The following NEK7 variants were observed in gnomAD, a reference collection of about 807,000 sequenced individuals.
The protein encoded by NEK7 is NIMA related kinase 7.
Under a neutral mutation model 44.6 loss-of-function variants are expected in NEK7, and 18 were observed. The observed-to-expected ratio is 0.40, with a 90% confidence interval of 0.28 to 0.60. The LOEUF (loss-of-function observed/expected upper bound fraction) is 0.60, where lower values mean the gene tolerates loss of function less well. NEK7 is among the 20% of genes least tolerant of loss of function. NEK7 has a pLI of 0.38. For missense variants in NEK7, 256 were observed against 366.5 expected (o/e 0.70, Z 2.46); for synonymous variants, 130 against 121.1 (o/e 1.07, Z -0.48).
intron 1 of NEK7, among the ~76,000 whole-genome samples, chr1:198,181,268 T>C (rs1436252412): frequency 6.6e-6 from 1 of 152,138 alleles, no homozygotes; most frequent in Non-Finnish European, 1.5e-5. Flanking sequence ...TAATTGATCA[T>C]TGACTTCTTT....
intron 9 of NEK7, among the ~76,000 whole-genome samples, chr1:198,301,351 C>G (rs982590644): frequency 1.6e-4 from 24 of 151,828 alleles, no homozygotes; most frequent in African/African-American, 5.1e-4. Flanking sequence ...GAGATCGAGA[C>G]CATCCTGGCT....
At chr1:198,169,278 G>A (rs907161348) in intron 1 of NEK7, among the ~76,000 whole-genome samples, 1 of 152,118 alleles carries the variant, frequency 6.6e-6, no homozygotes, top group Non-Finnish European at 1.5e-5. Flanking sequence ...TTGCTTGGAG[G>A]TGCCAGGTTT....
intron 5 of NEK7, among the ~76,000 whole-genome samples, chr1:198,272,694 C>T (rs183612510): frequency 6.6e-6 from 1 of 151,924 alleles, no homozygotes; most frequent in East Asian, 1.9e-4. Context: ...CAAGTATTTT[C>T]TTATCAGTTT....
At chr1:198,203,828 G>C (rs1041983645) in intron 1 of NEK7, among the ~76,000 whole-genome samples, 1 of 151,438 alleles carries the variant, frequency 6.6e-6, no homozygotes, top group Admixed American at 6.6e-5. Context: ...GACAGAGGTT[G>C]AATTCATTTT....
At chr1:198,209,247 C>T (rs1247448656) in intron 1 of NEK7, among the ~76,000 whole-genome samples, 2 of 149,346 alleles carry the variant, frequency 1.3e-5, no homozygotes, top group Non-Finnish European at 3.0e-5. Context: ...TACTCTTTTT[C>T]ATACCCATAC....
intron 2 of NEK7, among the ~76,000 whole-genome samples, chr1:198,232,866 ATTAT>A (rs1229049941): frequency 2.6e-5 from 4 of 151,392 alleles, no homozygotes; most frequent in Admixed American, 6.6e-5. Context: ...TTTAGATATA[ATTAT>A]TTATGTGTAA....
At chr1:198,288,190 G>A (rs1004315805) in intron 7 of NEK7, among the ~76,000 whole-genome samples, 17 of 152,170 alleles carry the variant, frequency 1.1e-4, no homozygotes, top group African/African-American at 4.1e-4. Flanking sequence ...TGTAAAGGCA[G>A]CATATGTTCA....
intron 9 of NEK7, among the ~76,000 whole-genome samples, chr1:198,312,856 C>G (rs4915141): frequency 0.082 from 12,484 of 151,924 alleles, 672 homozygotes; most frequent in East Asian, 0.17. Context: ...GCTTTACTTC[C>G]AAGTATGTGG....
chr1:198,292,039 G>A (rs1411186545), intron 7 of NEK7, among the ~76,000 whole-genome samples: 2 of 151,908 alleles, frequency 1.3e-5, no homozygotes, highest in African/African-American at 4.8e-5. Context: ...CTTCCCTCAG[G>A]TAAATAAGAT....
At chr1:198,228,009 A>G (rs1304371497) in intron 1 of NEK7, among the ~76,000 whole-genome samples, 4 of 152,164 alleles carry the variant, frequency 2.6e-5, no homozygotes, top group African/African-American at 4.8e-5. Context: ...CAGGTCTAAC[A>G]TTTAAGTCTT....
chr1:198,167,617 C>G (rs1425378389), intron 1 of NEK7, among the ~76,000 whole-genome samples: 1 of 152,188 alleles, frequency 6.6e-6, no homozygotes, highest in East Asian at 1.9e-4. Flanking sequence ...CAAAATTTCT[C>G]TCAACTGGGT....
chr1:198,217,233 C>T (rs183022355), intron 1 of NEK7, among the ~76,000 whole-genome samples: 33 of 152,002 alleles, frequency 2.2e-4, no homozygotes, highest in African/African-American at 7.7e-4. Context: ...CTCAACAGCA[C>T]GTCAAAAGAA....
chr1:198,294,814 C>T (rs939176557), intron 8 of NEK7, among the ~76,000 whole-genome samples: 7 of 152,096 alleles, frequency 4.6e-5, no homozygotes, highest in Non-Finnish European at 1.0e-4. Flanking sequence ...CATCTCAACG[C>T]ATTTTCTTGA....
Position 198,181,507 on chromosome 1 carries a change from T to G in NEK7, c.-29+24231T>G, listed in dbSNP as rs1460285713. Among the ~76,000 whole-genome samples, 5 of 152,250 alleles carry G rather than the reference T, an allele frequency of 3.3e-5. 1 individual carries two copies. The highest frequency in any genetic ancestry group is 1.2e-4 in the African/African-American group (5 of 41,572). ...CTATCATGGAATCTAACACCTTCAC[T>G]TAGTATTTGAAGTAACTAAGACTCA... On this transcript the variant is annotated intron_variant, in intron 1 of 9. Coordinates refer to ENST00000367385, the MANE Select transcript of NEK7 (RefSeq NM_133494.3).
At chr1:198,317,425 CA>C (rs1396840305) in intron 9 of NEK7, among the ~76,000 whole-genome samples, 1 of 152,158 alleles carries the variant, frequency 6.6e-6, no homozygotes, top group Non-Finnish European at 1.5e-5. Flanking sequence ...TTGTTATTCC[CA>C]ATTCTTGTCT....
chr1:198,313,382 A>C (rs1403852768), intron 9 of NEK7, among the ~76,000 whole-genome samples: 13 of 148,144 alleles, frequency 8.8e-5, no homozygotes, highest in Non-Finnish European at 1.5e-4. Flanking sequence ...ATGGGTCTTG[A>C]CTCTTTATCC....
Position 198,212,496 on chromosome 1 carries a change from G to T in NEK7, c.-28-20057G>T, listed in dbSNP as rs1360005558. 2.6e-5 allele frequency among the ~76,000 whole-genome samples: 4 copies of T among 152,288 alleles called. No homozygotes were observed. In the East Asian group the frequency reaches 7.7e-4, roughly 29 times the overall value. On this transcript the variant is annotated intron_variant, in intron 1 of 9. Coordinates refer to ENST00000367385, the MANE Select transcript of NEK7 (RefSeq NM_133494.3). ...ATGGGGATTCTTTTGTGCAGTAGAG[G>T]CAGCTGCACTCCTGCCTTAAACATT... is the stretch of plus-strand genomic sequence containing the variant.
At chr1:198,312,496 G>C (rs960532876) in intron 9 of NEK7, among the ~76,000 whole-genome samples, 9 of 151,946 alleles carry the variant, frequency 5.9e-5, no homozygotes, top group Non-Finnish European at 1.0e-4. Context: ...GAATGTGTTT[G>C]CTCTTGCTTT....
chr1:198,165,721 G>T (rs768923091), intron 1 of NEK7, among the ~76,000 whole-genome samples: 4 of 152,260 alleles, frequency 2.6e-5, no homozygotes, highest in Admixed American at 6.5e-5. Flanking sequence ...TGAGCATTGG[G>T]TTCACCAGCT....
Sources: gnomAD v4.1 joint callset for allele counts (sites outside exome capture counted in the v4.1 genomes callset) on GRCh38, gnomAD v4.1.1 for gene constraint, MANE v1.5 for transcripts, NCBI Gene and HGNC (gene_info 2026-07-23, HGNC 2026-07-21) for gene names.